Variants in CSMD1 observed in about 807,000 individuals in gnomAD.
The protein encoded by CSMD1 is CUB and sushi domain-containing protein 1.
In CSMD1, 213 loss-of-function variants were observed where a neutral mutation model predicts 417.5. That is an observed-to-expected ratio of 0.51 (90% CI 0.46 to 0.57). The LOEUF is 0.57. Ranked by LOEUF, CSMD1 falls within the 20% of genes least tolerant of loss-of-function variation. CSMD1 has a pLI of 0.00. For missense variants in CSMD1, 6,923 were observed against 4,529.7 expected, an observed-to-expected ratio of 1.53 and a Z score of -15.17; for synonymous variants, 2,862 against 1,736.8, an observed-to-expected ratio of 1.65 and a Z score of -16.11.
At chr8:4,727,259 AC>A (rs1217127496) in intron 1 of CSMD1, among the ~76,000 whole-genome samples, 18 of 152,180 alleles carry the variant, frequency 1.2e-4, no homozygotes, top group Non-Finnish European at 2.9e-5. Context: ...TTCACATTAA[AC>A]CAGTTAATGT....
chr8:4,328,445 G>C (rs767195988), intron 3 of CSMD1, among the ~76,000 whole-genome samples: 1 of 151,306 alleles, frequency 6.6e-6, no homozygotes, highest in South Asian at 2.1e-4. Context: ...ACAAATTTCG[G>C]TTGTCACACA....
intron 5 of CSMD1, among the ~76,000 whole-genome samples, chr8:3,892,449 C>G (rs892186365): frequency 2.6e-5 from 4 of 152,094 alleles, no homozygotes; most frequent in East Asian, 3.9e-4. Context: ...GCTTCATAGC[C>G]CCTCATTCAT....
intron 3 of CSMD1, among the ~76,000 whole-genome samples, chr8:4,407,782 A>T (rs553392436): frequency 1.3e-5 from 2 of 152,316 alleles, no homozygotes; most frequent in South Asian, 4.1e-4. Context: ...AGAAATTTTG[A>T]TACACATGTC....
At chr8:4,281,655 A>T (rs750194561) in intron 3 of CSMD1, among the ~76,000 whole-genome samples, 1 of 152,198 alleles carries the variant, frequency 6.6e-6, no homozygotes, top group East Asian at 1.9e-4. Flanking sequence ...TACTTGACAT[A>T]TAATTCTATA....
chr8:2,986,008 A>C (rs973104392), intron 54 of CSMD1, among the ~76,000 whole-genome samples: 8 of 135,508 alleles, frequency 5.9e-5, no homozygotes, highest in African/African-American at 2.2e-4. Flanking sequence ...GCGGAAGGGG[A>C]GAGAGGGAGG....
chr8:3,956,680 C>G (rs771606625), intron 5 of CSMD1, among the ~76,000 whole-genome samples: 2 of 151,960 alleles, frequency 1.3e-5, no homozygotes, highest in African/African-American at 2.4e-5. Context: ...GAGTTACTAC[C>G]CGATGTGGCA....
intron 7 of CSMD1, among the ~76,000 whole-genome samples, chr8:3,655,775 G>C (rs1051759741): frequency 6.6e-6 from 1 of 152,016 alleles, no homozygotes; most frequent in African/African-American, 2.4e-5. Context: ...GTAGGAGGCA[G>C]GAAAGGTAGA....
chr8:3,508,035 G>T (rs182769873), intron 10 of CSMD1, among the ~76,000 whole-genome samples: 29 of 152,146 alleles, frequency 1.9e-4, no homozygotes, highest in Admixed American at 1.8e-3. Flanking sequence ...GTCAATTTTG[G>T]CTTTTGTTGC....
At chr8:2,944,568 C>T (rs1250037098) in intron 68 of CSMD1, among the ~76,000 whole-genome samples, 1 of 152,192 alleles carries the variant, frequency 6.6e-6, no homozygotes, top group Non-Finnish European at 1.5e-5. Flanking sequence ...TGTAACTTTC[C>T]TGAAGCCAGG....
At chr8:4,506,728 T>C (rs1585178597) in intron 2 of CSMD1, among the ~76,000 whole-genome samples, 1 of 152,184 alleles carries the variant, frequency 6.6e-6, no homozygotes, top group East Asian at 1.9e-4. Context: ...TCAGAGTGTA[T>C]TGTTTCATCA....
intron 3 of CSMD1, among the ~76,000 whole-genome samples, chr8:4,211,323 C>G (rs188199714): frequency 5.0e-4 from 76 of 152,090 alleles, no homozygotes; most frequent in African/African-American, 1.8e-3. Context: ...TCATTATATC[C>G]AACTGTTAAA....
At chr8:3,009,706 C>T (rs1375947280) in intron 52 of CSMD1, among the ~76,000 whole-genome samples, 2 of 152,134 alleles carry the variant, frequency 1.3e-5, no homozygotes, top group Non-Finnish European at 2.9e-5. Context: ...TTAGCCCATG[C>T]ATAGATATGC....
intron 3 of CSMD1, among the ~76,000 whole-genome samples, chr8:4,151,734 A>G (rs1053671596): frequency 6.6e-6 from 1 of 152,240 alleles, no homozygotes; most frequent in East Asian, 1.9e-4. Flanking sequence ...GCGGGTAAAT[A>G]CTAGAGGAAG....
intron 7 of CSMD1, among the ~76,000 whole-genome samples, chr8:3,631,341 CAG>C (rs1276362602): frequency 6.6e-6 from 1 of 152,182 alleles, no homozygotes; most frequent in Non-Finnish European, 1.5e-5. Flanking sequence ...TGAGTCTGCA[CAG>C]AGACTGTCAC....
intron 5 of CSMD1, among the ~76,000 whole-genome samples, chr8:3,881,951 C>A (rs183889834): frequency 3.9e-5 from 6 of 152,088 alleles, no homozygotes; most frequent in Middle Eastern, 3.2e-3. Context: ...GATTACAGAT[C>A]TGAACTTGAA....
At chr8:4,174,600 G>T (rs1024179598) in intron 3 of CSMD1, among the ~76,000 whole-genome samples, 4 of 149,518 alleles carry the variant, frequency 2.7e-5, no homozygotes, top group Admixed American at 2.7e-4. Context: ...AATGTCTGAA[G>T]CCTCTTTTAT....
At chr8:3,587,555 A>G (rs11992748) in intron 8 of CSMD1, among the ~76,000 whole-genome samples, 4,620 of 152,210 alleles carry the variant, frequency 0.03, 232 homozygotes, top group African/African-American at 0.1. Context: ...AAAAATCCAT[A>G]TCTATAATAT....
chr8:3,941,951 G>A (rs1810913289), intron 5 of CSMD1, among the ~76,000 whole-genome samples: 1 of 152,104 alleles, frequency 6.6e-6, no homozygotes, highest in South Asian at 2.1e-4. Context: ...ATCCTCCTCT[G>A]TATTTACAGC....
At chr8:4,170,519 G>A (rs1432094027) in intron 3 of CSMD1, among the ~76,000 whole-genome samples, 1 of 151,794 alleles carries the variant, frequency 6.6e-6, no homozygotes, top group Non-Finnish European at 1.5e-5. Flanking sequence ...ATTAAGTAGA[G>A]GTAAAGTCTA....
Sources: gnomAD v4.1 joint callset for allele counts (sites outside exome capture counted in the v4.1 genomes callset) on GRCh38, gnomAD v4.1.1 for gene constraint, MANE v1.5 for transcripts, NCBI Gene and HGNC (gene_info 2026-07-23, HGNC 2026-07-21) for gene names.